Variants in TRAPPC12 observed in about 807,000 individuals in gnomAD.
TRAPPC12 encodes trafficking protein particle complex subunit 12, also known as TPR repeat protein 15.
Under a neutral mutation model 69.2 loss-of-function variants are expected in TRAPPC12, and 61 were observed. That is an observed-to-expected ratio of 0.88 (90% CI 0.72 to 1.09). The LOEUF is 1.09. TRAPPC12 is among the 50% of genes least tolerant of loss of function. The probability of loss-of-function intolerance (pLI) is 0.00; values close to 1 mark genes in which losing one functional copy is unlikely to be tolerated. For missense variants in TRAPPC12, 1,101 were observed against 1,016.4 expected (o/e 1.08, Z -1.13); for synonymous variants, 469 against 438.9 (o/e 1.07, Z -0.86).
rs1132171 is a variant in TRAPPC12, at chr2:3,421,958, C to T, written c.1242C>T (p.Ser414=). The change falls in exon 4 of 12, where the codon AGC becomes AGT. Residue 414 remains serine, a synonymous_variant. Transcript: ENST00000324266. ...CCCACGGCCAGGGCTACGGCAAGAG[C>T]GGGCTGCTCACCAGCCACACGACAG... ...LTAHGQGYGK[S]GLLTSHTTDS... 0.028 allele frequency: 45,262 copies of T among 1,613,194 alleles called. 4,200 individuals are homozygous for T. In the East Asian group the frequency reaches 0.32, roughly 12 times the overall value.
intron 10 of TRAPPC12, chr2:3,478,133 ATCCCGTGCTCTGGTGTTCTGTG>A (rs1383833741): frequency 1.6e-5 from 1 of 61,342 alleles, no homozygotes; most frequent in African/African-American, 1.2e-4. Flanking sequence ...CTGTGTCTGG[ATCCCGTGCTCTGGTGTTCTGTG>A]TCTGGATCCC....
intron 2 of TRAPPC12, among the ~76,000 whole-genome samples, chr2:3,393,528 CTA>C (rs1422555812): frequency 2.6e-5 from 4 of 152,106 alleles, no homozygotes; most frequent in Non-Finnish European, 5.9e-5. Context: ...CACACAGTAA[CTA>C]TGGGTAGTGA....
At chr2:3,441,326 C>T (rs1393750321) in intron 5 of TRAPPC12, among the ~76,000 whole-genome samples, 1 of 152,092 alleles carries the variant, frequency 6.6e-6, no homozygotes, top group Non-Finnish European at 1.5e-5. Context: ...CTGGGGCTTG[C>T]TTTTTGGAAA....
chr2:3,476,932 T>C (rs1351219987), intron 9 of TRAPPC12, among the ~76,000 whole-genome samples: 1 of 152,268 alleles, frequency 6.6e-6, no homozygotes, highest in African/African-American at 2.4e-5. Flanking sequence ...TTTACCCTCG[T>C]GAGCGCGGCT....
intron 5 of TRAPPC12, among the ~76,000 whole-genome samples, chr2:3,436,978 C>T (rs1483341920): frequency 9.5e-6 from 1 of 105,046 alleles, no homozygotes; most frequent in Non-Finnish European, 1.9e-5. Flanking sequence ...CCCCCAATCA[C>T]CCCTGGATTA....
At chr2:3,476,855 G>A (rs1437155614) in intron 9 of TRAPPC12, among the ~76,000 whole-genome samples, 1 of 152,230 alleles carries the variant, frequency 6.6e-6, no homozygotes, top group Non-Finnish European at 1.5e-5. Flanking sequence ...CTGCTGCCAT[G>A]ATAACAGAGC....
chr2:3,388,440 C>G lies in TRAPPC12; in HGVS notation c.817C>G (p.Pro273Ala). Residue 273 changes from proline (P) to alanine (A), a missense_variant, in exon 2 of 12, where the codon CCC (proline) becomes GCC (alanine). Physicochemically the swap from Pro to Ala is conservative, Grantham distance 27 (BLOSUM62 -1). Transcript: ENST00000324266. The part of the protein sequence containing the change: ...VAMRGPQAAA[P>A]PASPEPFAHI... ...CATGCGAGGGCCCCAGGCAGCTGCG[C>G]CCCCGGCGTCGCCAGAGCCTTTCGC... 6 of 1,607,918 alleles carry G rather than the reference C, an allele frequency of 3.7e-6. No homozygotes were observed. Among genetic ancestry groups the G allele is most frequent in the Non-Finnish European group, 5.1e-6 (6 of 1,177,634 alleles).
chr2:3,406,687 C>T (rs1385825557), intron 3 of TRAPPC12, among the ~76,000 whole-genome samples: 2 of 152,128 alleles, frequency 1.3e-5, no homozygotes, highest in South Asian at 2.1e-4. Flanking sequence ...AGGGTGTGGG[C>T]GTGGCCCCTT....
chr2:3,474,718 A>G (rs890163224), intron 9 of TRAPPC12, among the ~76,000 whole-genome samples: 1 of 152,200 alleles, frequency 6.6e-6, no homozygotes, highest in Admixed American at 6.5e-5. Context: ...CTGTCTTCAT[A>G]TAAGTTAGAA....
In TRAPPC12 at chr2:3,477,696, T is replaced by G. The variant is rs1666353803; in HGVS notation, c.1778T>G (p.Ile593Ser). Residue 593 changes from isoleucine to serine, a missense_variant and splice_region_variant, in exon 10 of 12, where the codon ATT becomes AGT. Transcript: ENST00000324266. ...ACTGACTAAATTTTGTCAAAGCAGATTGGAGACATAAAAACAGCTGAAAAG... is the reference window on the plus strand; with the variant it reads ...ACTGACTAAATTTTGTCAAAGCAGAGTGGAGACATAAAAACAGCTGAAAAG... ...LSGIGRISLQ[I>S]GDIKTAEKYF... The G allele has an allele frequency of 6.2e-7, 1 of 1,601,288 alleles. No homozygotes were observed. The highest frequency in any genetic ancestry group is 8.5e-7 in the Non-Finnish European group (1 of 1,174,146).
intron 1 of TRAPPC12, among the ~76,000 whole-genome samples, chr2:3,384,290 T>G (rs1341917113): frequency 6.6e-6 from 1 of 152,200 alleles, no homozygotes; most frequent in Non-Finnish European, 1.5e-5. Context: ...CTTTTCAGTT[T>G]TTATTGTAGC....
chr2:3,388,272 C>A lies in TRAPPC12; in HGVS notation c.649C>A (p.His217Asn), dbSNP rs751817676. ...GTTCTTCGGAGACACGGCCGCCAGC[C>A]ACTCCTTGGCCTCGGACTTCTTCGA... ...STFFGDTAAS[H>N]SLASDFFDSF... Residue 217 changes from histidine (H) to asparagine (N), a missense_variant, in exon 2 of 12, where the codon CAC (histidine) becomes AAC (asparagine). Coordinates refer to ENST00000324266, the MANE Select transcript of TRAPPC12 (RefSeq NM_016030.6). 2 of 1,607,980 alleles carry A rather than the reference C, an allele frequency of 1.2e-6. No homozygotes were observed. Among genetic ancestry groups the A allele is most frequent in the Non-Finnish European group, 1.7e-6 (2 of 1,177,116 alleles).
chr2:3,388,809 T>G, intron 2 of TRAPPC12, 139 bp downstream of exon 2: 1 of 867,826 alleles, frequency 1.2e-6, no homozygotes. Flanking sequence ...GCGCCTGTGT[T>G]CCTCTGTCCC....
chr2:3,388,242 A>AG lies in TRAPPC12; in HGVS notation c.620dup (p.Ser207ArgfsTer85), dbSNP rs1350466819. On this transcript the variant is annotated frameshift_variant, in exon 2 of 12. Coordinates refer to ENST00000324266, the MANE Select transcript of TRAPPC12 (RefSeq NM_016030.6). LOFTEE classifies it high-confidence loss of function. ...GGTCGTGCAGCCCAGCCCCAGCCTC[A>AG]GCACGTTCTTCGGAGACACGGCCGC... 2 of 1,608,888 alleles carry AG rather than the reference A, an allele frequency of 1.2e-6. No homozygotes were observed. The highest frequency in any genetic ancestry group is 1.7e-6 in the Non-Finnish European group (2 of 1,177,850).
intron 5 of TRAPPC12, among the ~76,000 whole-genome samples, chr2:3,425,038 C>T (rs1415094708): frequency 6.6e-6 from 1 of 152,246 alleles, no homozygotes; most frequent in East Asian, 1.9e-4. Context: ...CGTGTCCGTG[C>T]ATATGGCACA....
At chr2:3,460,045 G>A (rs1043280015) in intron 7 of TRAPPC12, 12 of 626,980 alleles carry the variant, frequency 1.9e-5, no homozygotes, top group African/African-American at 7.3e-5. Flanking sequence ...CTCTGATGCC[G>A]AGGGTCTCTT....
chr2:3,380,587 T>G (rs767180323), intron 1 of TRAPPC12, among the ~76,000 whole-genome samples: 3 of 152,214 alleles, frequency 2.0e-5, no homozygotes, highest in Non-Finnish European at 2.9e-5. Flanking sequence ...TGTCTTTGGA[T>G]TCAGTCACTG....
intron 9 of TRAPPC12, chr2:3,466,107 G>A (rs940229720): frequency 9.7e-5 from 38 of 390,950 alleles, no homozygotes. Context: ...CTGAACAGTG[G>A]TCTCAGTAAT....
At chr2:3,475,978 C>A (rs1396095734) in intron 9 of TRAPPC12, among the ~76,000 whole-genome samples, 2 of 152,190 alleles carry the variant, frequency 1.3e-5, no homozygotes, top group African/African-American at 4.8e-5. Flanking sequence ...TCCTGTTAGA[C>A]AGGAGATGCA....
Sources: allele counts gnomAD v4.1 joint callset (sites outside exome capture counted in the v4.1 genomes callset), GRCh38; gene constraint gnomAD v4.1.1; transcripts MANE v1.5; gene names NCBI Gene and HGNC (gene_info 2026-07-23, HGNC 2026-07-21).